Variants in ASB1 observed in about 807,000 individuals in gnomAD.
ASB1 encodes the protein ankyrin repeat and SOCS box protein 1.
Under a neutral mutation model 27.7 loss-of-function variants are expected in ASB1, and 18 were observed. The ratio of observed to expected loss-of-function variants is 0.65; its 90% confidence interval spans 0.45 to 0.96. ASB1 has a LOEUF of 0.96. Ranked by LOEUF, ASB1 falls within the 50% of genes least tolerant of loss-of-function variation. The pLI is 0.00. For synonymous variants in ASB1, 189 were observed against 187.6 expected, an observed-to-expected ratio of 1.01 and a Z score of -0.06; for missense variants, 397 against 451.7, an observed-to-expected ratio of 0.88 and a Z score of 1.10.
intron 4 of ASB1, among the ~76,000 whole-genome samples, chr2:238,445,579 T>C (rs571783596): frequency 2.0e-5 from 3 of 152,224 alleles, no homozygotes; most frequent in Non-Finnish European, 4.4e-5. Context: ...TTGGTCTTGT[T>C]ATCCGAGGCT....
intron 1 of ASB1, among the ~76,000 whole-genome samples, chr2:238,430,957 G>A (rs554220999): frequency 2.2e-4 from 33 of 152,214 alleles, no homozygotes; most frequent in Non-Finnish European, 3.4e-4. Context: ...TTTATAGTGC[G>A]CAGGCAGGAG....
At position 238,445,583 on chromosome 2, in the gene ASB1, C is replaced by T. The variant is rs138172021; in HGVS notation, c.881-801C>T. ...TGATCCATAGCTTGGTCTTGTTATC[C>T]GAGGCTCTCTGGGATTCAGACATTG... On this transcript the variant is annotated intron_variant, in intron 4 of 4. Transcript: ENST00000264607. 1.8e-4 allele frequency among the ~76,000 whole-genome samples: 28 copies of T among 152,262 alleles called. No homozygotes were observed. In the East Asian group the frequency reaches 4.6e-3, roughly 25 times the overall value.
At position 238,435,705 on chromosome 2, in the gene ASB1, C is replaced by T; in HGVS notation, c.192-6C>T. 1 of 1,608,384 alleles carries T rather than the reference C, an allele frequency of 6.2e-7. No individual in the cohort carries two copies. The highest frequency in any genetic ancestry group is 8.5e-7 in the Non-Finnish European group (1 of 1,176,554). ...TCTCATGAGCCCCCTTGTGTTCCTC[C>T]TGCAGCCGCATCAACGAGAAGTCTG... On this transcript the variant is annotated splice_region_variant and splice_polypyrimidine_tract_variant and intron_variant, in intron 2 of 4. Transcript: ENST00000264607.
chr2:238,444,737 T>C lies in ASB1; in HGVS notation c.880+10T>C. On this transcript the variant is annotated intron_variant, in intron 4 of 4. Coordinates refer to ENST00000264607, the MANE Select transcript of ASB1 (RefSeq NM_001040445.3). ...TTTAAAGAGGCCAGAAGTAAGTGGC[T>C]TGAGTTCAGCTCTGACTTGTGGGCT... 6.3e-7 allele frequency: 1 copy of C among 1,595,724 alleles called. No homozygotes were observed. Among genetic ancestry groups the C allele is most frequent in the Non-Finnish European group, 8.5e-7 (1 of 1,170,160 alleles).
chr2:238,444,142 C>T (rs927831143), intron 3 of ASB1, among the ~76,000 whole-genome samples, 200 bp from the exon 4 acceptor site: 11 of 152,164 alleles, frequency 7.2e-5, no homozygotes, highest in Admixed American at 1.3e-4. Flanking sequence ...TTTCTGTGTG[C>T]GGGGATTCCA....
intron 3 of ASB1, among the ~76,000 whole-genome samples, chr2:238,437,103 A>G (rs1209049617): frequency 6.6e-6 from 1 of 152,102 alleles, no homozygotes; most frequent in African/African-American, 2.4e-5. Flanking sequence ...AGTGAACATT[A>G]TTGCTATAGC....
intron 1 of ASB1, among the ~76,000 whole-genome samples, chr2:238,430,493 T>C (rs1701848415): frequency 6.6e-6 from 1 of 152,258 alleles, no homozygotes; most frequent in Non-Finnish European, 1.5e-5. Context: ...TCCATTTAAG[T>C]CTTGAGCCCC....
chr2:238,427,221 G>A, intron 1 of ASB1, 102 bp downstream of exon 1: 1 of 908,254 alleles, frequency 1.1e-6, no homozygotes, highest in Non-Finnish European at 1.4e-6. Flanking sequence ...CGGGCTGGCC[G>A]GGTCCACGGG....
chr2:238,437,859 C>T (rs904105674), intron 3 of ASB1, among the ~76,000 whole-genome samples: 8 of 152,126 alleles, frequency 5.3e-5, no homozygotes, highest in African/African-American at 1.4e-4. Context: ...TATGTTTTTC[C>T]TGTTGAAGGG....
At chr2:238,434,437 T>G (rs551966595) in intron 2 of ASB1, among the ~76,000 whole-genome samples, 31 of 152,208 alleles carry the variant, frequency 2.0e-4, no homozygotes, top group Non-Finnish European at 4.0e-4. Context: ...GCTGTTGTGT[T>G]TCCGCGTTCC....
chr2:238,438,034 T>G (rs1702005098), intron 3 of ASB1, among the ~76,000 whole-genome samples: 1 of 152,118 alleles, frequency 6.6e-6, no homozygotes, highest in Admixed American at 6.5e-5. Context: ...CTTTGCACCT[T>G]GGAGAATGTA....
At chr2:238,428,544 G>T (rs1169900388) in intron 1 of ASB1, among the ~76,000 whole-genome samples, 1 of 152,206 alleles carries the variant, frequency 6.6e-6, no homozygotes, top group Non-Finnish European at 1.5e-5. Flanking sequence ...TGATCTGCCC[G>T]CCTCTGCCTC....
At chr2:238,443,222 T>A (rs975488707) in intron 3 of ASB1, among the ~76,000 whole-genome samples, 8 of 152,238 alleles carry the variant, frequency 5.3e-5, no homozygotes, top group African/African-American at 1.9e-4. Flanking sequence ...TTTGTTGACT[T>A]TAAGTAGTAG....
chr2:238,444,611 T>A lies in ASB1; in HGVS notation c.764T>A (p.Leu255Gln). ...RHGCEAAFVS[L>Q]LVEFGANLNL... Reference sequence around the variant, plus strand: ...GGCTGTGAGGCAGCCTTCGTGAGCCTGCTGGTAGAATTTGGAGCCAACCTG... The same window carrying A: ...GGCTGTGAGGCAGCCTTCGTGAGCCAGCTGGTAGAATTTGGAGCCAACCTG... The change falls in exon 4 of 5, where the codon CTG becomes CAG. Residue 255 changes from leucine (L) to glutamine (Q), a missense_variant. Coordinates refer to ENST00000264607, the MANE Select transcript of ASB1 (RefSeq NM_001040445.3). 1 of 1,614,178 alleles carries A rather than the reference T, an allele frequency of 6.2e-7. No homozygotes were observed. The highest frequency in any genetic ancestry group is 1.1e-5 in the South Asian group (1 of 91,080).
At position 238,444,323 on chromosome 2, in the gene ASB1, T is replaced by C. The variant is rs753402949; in HGVS notation, c.495-19T>C. ...GGTCAGTCCCCTGCACAGTCTGACT[T>C]TCCCTTTCTTCCCTGCAGGTACGGG... On this transcript the variant is annotated intron_variant, in intron 3 of 4. Coordinates refer to ENST00000264607, the MANE Select transcript of ASB1 (RefSeq NM_001040445.3). 3 of 1,586,982 alleles carry C rather than the reference T, an allele frequency of 1.9e-6. No individual in the cohort carries two copies. In the Admixed American group the frequency reaches 5.1e-5, roughly 27 times the overall value.
chr2:238,443,239 A>G (rs955535469), intron 3 of ASB1, among the ~76,000 whole-genome samples: 6 of 152,106 alleles, frequency 3.9e-5, no homozygotes, highest in African/African-American at 1.4e-4. Flanking sequence ...GTAGTTTATC[A>G]TTTTTGTTAT....
In ASB1 at chr2:238,446,411, G is replaced by A; in HGVS notation, c.908G>A (p.Cys303Tyr). ...RSVPRTLLCL[C>Y]RVAVRRALGK... Reference sequence around the variant, plus strand: ...GTTCCCAGAACCTTGCTGTGTCTGTGCCGTGTGGCTGTGAGAAGAGCTCTT... The same window carrying A: ...GTTCCCAGAACCTTGCTGTGTCTGTACCGTGTGGCTGTGAGAAGAGCTCTT... Residue 303 changes from cysteine (C) to tyrosine (Y), a missense_variant, in exon 5 of 5, where the codon TGC (cysteine) becomes TAC (tyrosine). By Grantham distance (194) the Cys-to-Tyr change is radical. Coordinates refer to ENST00000264607, the MANE Select transcript of ASB1 (RefSeq NM_001040445.3). The A allele has an allele frequency of 6.2e-7, 1 of 1,612,428 alleles. No individual in the cohort carries two copies. The highest frequency in any genetic ancestry group is 8.5e-7 in the Non-Finnish European group (1 of 1,179,104).
chr2:238,432,223 C>G (rs1203891874), intron 1 of ASB1, among the ~76,000 whole-genome samples: 1 of 152,122 alleles, frequency 6.6e-6, no homozygotes, highest in African/African-American at 2.4e-5. Context: ...CAAAAAAGTT[C>G]TTCTCCCTTA....
intron 1 of ASB1, among the ~76,000 whole-genome samples, chr2:238,429,954 C>T (rs1476372225): frequency 2.2e-5 from 3 of 133,566 alleles, no homozygotes; most frequent in Admixed American, 1.5e-4. Context: ...AAAAAAAAAC[C>T]AAGTACAATA....
Sources: gnomAD v4.1 joint callset for allele counts (sites outside exome capture counted in the v4.1 genomes callset) on GRCh38, gnomAD v4.1.1 for gene constraint, MANE v1.5 for transcripts, NCBI Gene and HGNC (gene_info 2026-07-23, HGNC 2026-07-21) for gene names.